The following SLC44A1 variants were observed in gnomAD, a reference collection of about 807,000 sequenced individuals.
The protein encoded by SLC44A1 is choline transporter-like protein 1.
In SLC44A1, 26 loss-of-function variants were observed where a neutral mutation model predicts 79.3. The ratio of observed to expected loss-of-function variants is 0.33; its 90% CI spans 0.24 to 0.46. The LOEUF (loss-of-function observed/expected upper bound fraction) is 0.46, where lower values mean the gene tolerates loss of function less well. Among genes scored for constraint, SLC44A1 ranks in the 20% least tolerant of loss-of-function variants. The pLI is 1.00. For missense variants in SLC44A1, 688 were observed against 798.1 expected (o/e 0.86, Z 1.66); for synonymous variants, 263 against 286.2 (o/e 0.92, Z 0.82).
intron 3 of SLC44A1, among the ~76,000 whole-genome samples, chr9:105,331,551 T>C (rs535335941): frequency 6.6e-6 from 1 of 152,340 alleles, no homozygotes; most frequent in South Asian, 2.1e-4. Context: ...TAAGGACATT[T>C]TCCAATCAAA....
intron 1 of SLC44A1, among the ~76,000 whole-genome samples, chr9:105,271,350 C>T (rs575856886): frequency 2.0e-5 from 3 of 152,292 alleles, no homozygotes; most frequent in African/African-American, 7.2e-5. Context: ...CATTCCTCTC[C>T]TATGTTCCCT....
At position 105,256,893 on chromosome 9, in the gene SLC44A1, T is replaced by C. The variant is rs562073031; in HGVS notation, c.36+11989T>C. Among the ~76,000 whole-genome samples the C allele has an allele frequency of 1.1e-3, 162 of 151,584 alleles. 1 individual carries two copies. The highest frequency in any genetic ancestry group is 3.9e-3 in the African/African-American group (159 of 41,248). ...ACCTCCACCTCCCAGGTTCAAGCAT[T>C]CTCCTGCCTCAGCCTCCTGAGTAGC... On this transcript the variant is annotated intron_variant, in intron 1 of 15. Coordinates refer to ENST00000374720, the MANE Select transcript of SLC44A1 (RefSeq NM_080546.5).
intron 7 of SLC44A1, among the ~76,000 whole-genome samples, chr9:105,359,432 TC>T (rs1485339373): frequency 6.6e-6 from 1 of 151,872 alleles, no homozygotes; most frequent in East Asian, 1.9e-4. Flanking sequence ...TGAAAAAGAT[TC>T]CCCCAAAAGA....
chr9:105,395,531 A>C lies in SLC44A1; in HGVS notation c.*6475A>C, dbSNP rs1249710052. On this transcript the variant is annotated 3_prime_UTR_variant, in exon 16 of 16. Coordinates refer to ENST00000374720, the MANE Select transcript of SLC44A1 (RefSeq NM_080546.5). ...ACCGCGCCCGGCCTAGAAGAGTTTT[A>C]ATGAACCTTCCACAGTAGTAAATGC... The C allele has an allele frequency of 7.1e-6, 7 of 985,340 alleles. No homozygotes were observed. The highest frequency in any genetic ancestry group is 8.4e-6 in the Non-Finnish European group (7 of 829,992). 61.0% of individuals were successfully genotyped at this position (985,340 alleles called of 1,614,324 possible). A position where few individuals can be genotyped will look rare whatever the true frequency, so the allele number is the denominator to read the frequency against.
At chr9:105,249,527 T>A (rs1001759210) in intron 1 of SLC44A1, among the ~76,000 whole-genome samples, 1 of 99,202 alleles carries the variant, frequency 1.0e-5, no homozygotes, top group Non-Finnish European at 1.8e-5. Flanking sequence ...AAATGGTAAT[T>A]TTTTTTTTTT....
At chr9:105,360,598 C>T (rs995148497) in intron 7 of SLC44A1, among the ~76,000 whole-genome samples, 4 of 152,136 alleles carry the variant, frequency 2.6e-5, no homozygotes, top group Admixed American at 6.5e-5. Context: ...ATCTCTCAAC[C>T]GGTGTTGGAG....
chr9:105,246,810 A>G (rs1829463766), intron 1 of SLC44A1, among the ~76,000 whole-genome samples: 4 of 152,204 alleles, frequency 2.6e-5, no homozygotes, highest in Admixed American at 2.6e-4. Flanking sequence ...CTGCATCAGA[A>G]CTCTGCTTTA....
At chr9:105,299,366 G>A (rs1474620976) in intron 2 of SLC44A1, 57 bp downstream of exon 2, 7 of 1,255,998 alleles carry the variant, frequency 5.6e-6, no homozygotes, top group Non-Finnish European at 7.7e-6. Flanking sequence ...GGAATGACGA[G>A]TAGTTGTTTT....
In SLC44A1 at chr9:105,393,138, C is replaced by A. The variant is rs73514007; in HGVS notation, c.*4082C>A. The A allele has an allele frequency of 1.7e-3, 1,659 of 985,400 alleles. 15 individuals carry two copies. The African/African-American group carries it at 0.024, about 14-fold the overall frequency. The allele number at this position is 985,400 out of a possible 1,614,324, so 61.0% of individuals were successfully genotyped here. ...AATGTATATTGAAAAAATGTGGGTT[C>A]ATAAGTAAAAGCGTAACGCAGATAT... On this transcript the variant is annotated 3_prime_UTR_variant, in exon 16 of 16. Coordinates refer to ENST00000374720, the MANE Select transcript of SLC44A1 (RefSeq NM_080546.5).
chr9:105,401,982 G>A (rs1341725719), downstream of SLC44A1, among the ~76,000 whole-genome samples: 5 of 152,182 alleles, frequency 3.3e-5, no homozygotes, highest in Admixed American at 6.6e-5. Context: ...GATAAGCAGG[G>A]ATTAGCCAGA....
rs1829389179 is a variant in SLC44A1 at position 105,244,908 on chromosome 9, AG to A, written c.36+8del. On this transcript the variant is annotated splice_donor_5th_base_variant and intron_variant, in intron 1 of 15. Coordinates refer to ENST00000374720, the MANE Select transcript of SLC44A1 (RefSeq NM_080546.5). ...CTCCGCCTCCTCCGCCGCGCAGGTG[AG>A]GGGCTCCCGCCTCCCGGCCGCCCGC... is the stretch of plus-strand genomic sequence containing the variant. The A allele has an allele frequency of 8.5e-7, 1 of 1,179,710 alleles. No individual in the cohort carries two copies. The allele number at this position is 1,179,710 out of a possible 1,614,324, so 73.1% of individuals were successfully genotyped here.
intron 12 of SLC44A1, among the ~76,000 whole-genome samples, chr9:105,371,063 C>G (rs1828082812): frequency 6.6e-6 from 1 of 152,144 alleles, no homozygotes; most frequent in Non-Finnish European, 1.5e-5. Flanking sequence ...TATCCCAGAT[C>G]ACTGAAGACC....
At chr9:105,299,959 A>G (rs746716345) in intron 2 of SLC44A1, 19 of 984,746 alleles carry the variant, frequency 1.9e-5, no homozygotes, top group Non-Finnish European at 2.2e-5. Context: ...GTGCACATTC[A>G]ATTGCATACT....
Position 105,335,590 on chromosome 9 carries a change from C to T in SLC44A1, c.297C>T (p.Asn99=). 1 of 1,612,994 alleles carries T rather than the reference C, an allele frequency of 6.2e-7. No homozygotes were observed. Among genetic ancestry groups the T allele is most frequent in the South Asian group, 1.1e-5 (1 of 90,940 alleles). The change falls in exon 4 of 16, where the codon AAC becomes AAT. Residue 99 remains asparagine (N), a synonymous_variant. Coordinates refer to ENST00000374720, the MANE Select transcript of SLC44A1 (RefSeq NM_080546.5). ...RKYVFFLDPC[N]LDLINRKIKS... is the part of the protein sequence containing the mutation. ...ATGTATTCTTTTTGGATCCATGCAA[C>T]CTGGACTTGATAAACCGGAAGATTA... is the stretch of plus-strand genomic sequence containing the variant.
At chr9:105,399,817 T>C (rs936311755), downstream of SLC44A1, among the ~76,000 whole-genome samples, 2 of 152,178 alleles carry the variant, frequency 1.3e-5, no homozygotes, top group African/African-American at 4.8e-5. Context: ...CATCTTAAAA[T>C]ATAGTAGGTG....
chr9:105,260,654 C>A (rs1326231398), intron 1 of SLC44A1, among the ~76,000 whole-genome samples: 2 of 152,174 alleles, frequency 1.3e-5, no homozygotes, highest in Non-Finnish European at 2.9e-5. Context: ...GATTTGAGAT[C>A]TCCAAGGGAT....
At chr9:105,371,033 A>G (rs755708907) in intron 12 of SLC44A1, among the ~76,000 whole-genome samples, 5 of 152,230 alleles carry the variant, frequency 3.3e-5, no homozygotes, top group Non-Finnish European at 5.9e-5. Context: ...GAAATAAGGT[A>G]TTTCTCTTCA....
chr9:105,412,657 A>G (rs1246624065), intron 15 of SLC44A1, among the ~76,000 whole-genome samples: 2 of 151,968 alleles, frequency 1.3e-5, no homozygotes, highest in Non-Finnish European at 2.9e-5. Flanking sequence ...GCTGGAGTGC[A>G]GTGGCGCCAT....
chr9:105,374,059 C>A (rs1828200791), intron 12 of SLC44A1, among the ~76,000 whole-genome samples: 2 of 152,072 alleles, frequency 1.3e-5, no homozygotes, highest in African/African-American at 2.4e-5. Context: ...GGTTCTGCTC[C>A]CAGGAAGAGT....
Sources: gnomAD v4.1 joint callset for allele counts (sites outside exome capture counted in the v4.1 genomes callset) on GRCh38, gnomAD v4.1.1 for gene constraint, MANE v1.5 for transcripts, NCBI Gene and HGNC (gene_info 2026-07-23, HGNC 2026-07-21) for gene names.